The following ADGRB3 variants were observed in gnomAD, a reference collection of about 807,000 sequenced individuals.
ADGRB3 encodes adhesion G protein-coupled receptor B3.
Under a neutral mutation model 193.4 loss-of-function variants are expected in ADGRB3, and 37 were observed. The observed-to-expected ratio is 0.19, with a 90% CI of 0.15 to 0.25. ADGRB3 has a LOEUF of 0.25. Among genes scored for constraint, ADGRB3 ranks in the 10% least tolerant of loss-of-function variants. The pLI, the probability that ADGRB3 is intolerant of heterozygous loss-of-function variation, is 1.00. For missense variants in ADGRB3, 1,637 were observed against 1,852.9 expected, an observed-to-expected ratio of 0.88 and a Z score of 2.14; for synonymous variants, 690 against 644.2, an observed-to-expected ratio of 1.07 and a Z score of -1.08.
At chr6:69,164,752 C>G (rs1160040923) in intron 17 of ADGRB3, among the ~76,000 whole-genome samples, 2 of 152,086 alleles carry the variant, frequency 1.3e-5, no homozygotes, top group South Asian at 2.1e-4. Flanking sequence ...GAGACAGCGT[C>G]CGTGAACTCT....
chr6:69,111,380 A>G (rs1418731263), intron 17 of ADGRB3, among the ~76,000 whole-genome samples: 2 of 152,092 alleles, frequency 1.3e-5, no homozygotes. Flanking sequence ...ATCTATCCAC[A>G]CTTCTTGGCT....
At chr6:68,637,345 A>C (rs948605528) in intron 1 of ADGRB3, 46 bp from the exon 2 acceptor site, 1 of 152,668 alleles carries the variant, frequency 6.6e-6, no homozygotes, top group Non-Finnish European at 1.5e-5. Flanking sequence ...AAAGGCATGA[A>C]AACTCTTAAC....
chr6:68,646,538 A>G (rs898609261), intron 3 of ADGRB3, among the ~76,000 whole-genome samples: 2 of 151,968 alleles, frequency 1.3e-5, no homozygotes, highest in Non-Finnish European at 2.9e-5. Context: ...GGGAATTGAT[A>G]AAAATAAATA....
intron 17 of ADGRB3, among the ~76,000 whole-genome samples, chr6:69,076,375 T>C (rs972368398): frequency 6.6e-6 from 1 of 152,100 alleles, no homozygotes; most frequent in African/African-American, 2.4e-5. Flanking sequence ...CAGCTTAGCA[T>C]TGCAGAATAA....
At chr6:68,971,761 A>G (rs959447982) in intron 8 of ADGRB3, among the ~76,000 whole-genome samples, 6 of 152,252 alleles carry the variant, frequency 3.9e-5, no homozygotes, top group Non-Finnish European at 7.3e-5. Context: ...AACTGATTAC[A>G]TACTTATTGA....
intron 17 of ADGRB3, among the ~76,000 whole-genome samples, chr6:69,174,808 C>T (rs1464048644): frequency 2.0e-5 from 3 of 152,104 alleles, no homozygotes; most frequent in East Asian, 1.9e-4. Flanking sequence ...TTCTGACTGG[C>T]GTCAGATGGT....
chr6:68,779,928 A>G (rs1766822348), intron 3 of ADGRB3, among the ~76,000 whole-genome samples: 1 of 152,120 alleles, frequency 6.6e-6, no homozygotes, highest in Non-Finnish European at 1.5e-5. Flanking sequence ...TTTTTATCCT[A>G]CAGAGAAGTT....
intron 8 of ADGRB3, among the ~76,000 whole-genome samples, chr6:68,957,533 T>C (rs1401134440): frequency 1.3e-5 from 2 of 152,186 alleles, no homozygotes; most frequent in African/African-American, 4.8e-5. Context: ...AATTTGACAA[T>C]ATAGTGCCAA....
At chr6:68,752,004 C>T (rs548166326) in intron 3 of ADGRB3, among the ~76,000 whole-genome samples, 34 of 152,042 alleles carry the variant, frequency 2.2e-4, no homozygotes, top group Non-Finnish European at 3.8e-4. Flanking sequence ...ACTATTCATC[C>T]CACATCAACT....
chr6:68,883,804 A>T (rs1021890426), intron 3 of ADGRB3, among the ~76,000 whole-genome samples: 1 of 152,036 alleles, frequency 6.6e-6, no homozygotes, highest in Non-Finnish European at 1.5e-5. Flanking sequence ...CTGCGGCTTC[A>T]TTCTTGAAGT....
At chr6:69,312,594 T>A (rs1768218277) in intron 20 of ADGRB3, among the ~76,000 whole-genome samples, 1 of 151,570 alleles carries the variant, frequency 6.6e-6, no homozygotes, top group African/African-American at 2.4e-5. Flanking sequence ...AAGGAGGCAT[T>A]TTTCTCTTAG....
chr6:69,024,774 G>C (rs1457932973), intron 13 of ADGRB3, among the ~76,000 whole-genome samples: 2 of 152,162 alleles, frequency 1.3e-5, no homozygotes, highest in African/African-American at 4.8e-5. Flanking sequence ...AAATATTACT[G>C]TGTCTTCTTG....
chr6:68,745,567 T>C (rs948028044), intron 3 of ADGRB3, among the ~76,000 whole-genome samples: 1 of 152,094 alleles, frequency 6.6e-6, no homozygotes, highest in Non-Finnish European at 1.5e-5. Context: ...TGTTATGTGT[T>C]TTTTACCTGA....
chr6:68,880,034 T>G (rs1478882660), intron 3 of ADGRB3, among the ~76,000 whole-genome samples: 1 of 152,222 alleles, frequency 6.6e-6, no homozygotes, highest in African/African-American at 2.4e-5. Context: ...AATAGAATTT[T>G]GTGTGTCATG....
At chr6:69,026,489 G>A (rs1256417557) in intron 13 of ADGRB3, among the ~76,000 whole-genome samples, 1 of 152,130 alleles carries the variant, frequency 6.6e-6, no homozygotes, top group Non-Finnish European at 1.5e-5. Flanking sequence ...GAGGAGCAGT[G>A]GGAGGAAATG....
chr6:69,222,946 G>A (rs2127250944), intron 17 of ADGRB3, among the ~76,000 whole-genome samples: 1 of 152,142 alleles, frequency 6.6e-6, no homozygotes, highest in Admixed American at 6.6e-5. Flanking sequence ...TATTTTCCTA[G>A]TTTACATTTT....
chr6:68,655,867 T>C (rs1167059218), intron 3 of ADGRB3, among the ~76,000 whole-genome samples: 8 of 151,660 alleles, frequency 5.3e-5, no homozygotes, highest in Non-Finnish European at 1.0e-4. Context: ...CTTCTTCTTC[T>C]GTGTATTTTT....
intron 15 of ADGRB3, among the ~76,000 whole-genome samples, chr6:69,052,750 T>G (rs1336600870): frequency 6.6e-6 from 1 of 152,270 alleles, no homozygotes; most frequent in Non-Finnish European, 1.5e-5. Flanking sequence ...ATTTTACTAT[T>G]CAATTGTCTT....
At chr6:69,318,146 C>T (rs956283255) in intron 20 of ADGRB3, among the ~76,000 whole-genome samples, 3 of 150,670 alleles carry the variant, frequency 2.0e-5, no homozygotes, top group Non-Finnish European at 4.4e-5. Flanking sequence ...TAGACATCTT[C>T]CTTTTTTTCA....
Sources: gnomAD v4.1 joint callset for allele counts (sites outside exome capture counted in the v4.1 genomes callset) on GRCh38, gnomAD v4.1.1 for gene constraint, MANE v1.5 for transcripts, NCBI Gene and HGNC (gene_info 2026-07-23, HGNC 2026-07-21) for gene names.